Variants in RAP1GAP2 observed in about 807,000 individuals in gnomAD.
The protein encoded by RAP1GAP2 is RAP1 GTPase activating protein 2, also known as rap1 GTPase-activating protein 2.
RAP1GAP2 carries 27 observed loss-of-function variants against 95.0 expected under a neutral mutation model. That is an observed-to-expected ratio of 0.28 (90% confidence interval 0.21 to 0.39). The LOEUF (loss-of-function observed/expected upper bound fraction) is 0.39. RAP1GAP2 is among the 10% of genes least tolerant of loss of function. RAP1GAP2 has a pLI of 1.00. For missense variants in RAP1GAP2, 771 were observed against 970.0 expected, an observed-to-expected ratio of 0.79 and a Z score of 2.72; for synonymous variants, 373 against 380.9, an observed-to-expected ratio of 0.98 and a Z score of 0.24.
At chr17:2,879,406 G>A (rs903978589) in intron 2 of RAP1GAP2, among the ~76,000 whole-genome samples, 10 of 151,236 alleles carry the variant, frequency 6.6e-5, no homozygotes, top group Admixed American at 1.3e-4. Context: ...GTGAGCCACT[G>A]CGCCCGGCCA....
chr17:2,830,177 C>A (rs540593746), intron 2 of RAP1GAP2, among the ~76,000 whole-genome samples: 1 of 152,008 alleles, frequency 6.6e-6, no homozygotes, highest in Non-Finnish European at 1.5e-5. Context: ...TTTGGGAGGC[C>A]GAGGTGGGCG....
At chr17:2,937,389 G>C (rs886530815) in intron 3 of RAP1GAP2, among the ~76,000 whole-genome samples, 1 of 152,202 alleles carries the variant, frequency 6.6e-6, no homozygotes, top group African/African-American at 2.4e-5. Context: ...TTGCAGAAGT[G>C]TTCTGGATAT....
At chr17:2,869,160 T>G (rs757425135) in intron 2 of RAP1GAP2, among the ~76,000 whole-genome samples, 1 of 152,132 alleles carries the variant, frequency 6.6e-6, no homozygotes, top group Non-Finnish European at 1.5e-5. Flanking sequence ...TAGTTAGGAT[T>G]TCAACACAGA....
At chr17:2,793,916 C>A (rs2068996668), upstream of RAP1GAP2, among the ~76,000 whole-genome samples, 1 of 151,940 alleles carries the variant, frequency 6.6e-6, no homozygotes, top group Admixed American at 6.6e-5. Flanking sequence ...GCCTGGCCAA[C>A]ATGGTGAAAC....
chr17:2,999,277 AG>A (rs2046074157), intron 14 of RAP1GAP2, among the ~76,000 whole-genome samples: 2 of 152,188 alleles, frequency 1.3e-5, no homozygotes, highest in African/African-American at 4.8e-5. Context: ...TTGGTATCAC[AG>A]TGCTGTGGCG....
intron 3 of RAP1GAP2, among the ~76,000 whole-genome samples, chr17:2,929,004 C>G (rs780048145): frequency 7.9e-5 from 12 of 152,106 alleles, no homozygotes; most frequent in Non-Finnish European, 1.6e-4. Context: ...GAAGCCGAGG[C>G]AGGACAATTG....
In RAP1GAP2 at chr17:2,889,539, C is replaced by T. The variant is rs191521217; in HGVS notation, c.81-15745C>T. ...GAGCCCTCTTTCTGAACTTTCCAGCCGTGAAATACTGCAGGGGCCATGGCC... is the reference window on the plus strand; with the variant it reads ...GAGCCCTCTTTCTGAACTTTCCAGCTGTGAAATACTGCAGGGGCCATGGCC... On this transcript the variant is annotated intron_variant, in intron 2 of 24. Transcript: ENST00000254695. Among the ~76,000 whole-genome samples the T allele has an allele frequency of 5.1e-4, 77 of 152,198 alleles. 1 individual carries two copies. The highest frequency in any genetic ancestry group is 6.8e-3 in the Middle Eastern group (2 of 294).
chr17:2,852,300 A>G (rs951637320), intron 2 of RAP1GAP2, among the ~76,000 whole-genome samples: 3 of 146,024 alleles, frequency 2.1e-5, no homozygotes, highest in Non-Finnish European at 3.0e-5. Context: ...ATGGCTATCT[A>G]TATCTCTGAT....
At chr17:3,016,606 C>G (rs995939691) in intron 17 of RAP1GAP2, among the ~76,000 whole-genome samples, 1 of 152,234 alleles carries the variant, frequency 6.6e-6, no homozygotes, top group Admixed American at 6.5e-5. Flanking sequence ...CTACACATCT[C>G]GACTTTCCTG....
chr17:2,904,568 G>GTGTGTGTGTGTGTGTGTA lies in RAP1GAP2; in HGVS notation c.81-715_81-714insGTGTGTGTGTGTGTGTAT, dbSNP rs1193597954. ...TGTGTGTGTGTGTGTGTGTGTGTGT[G>GTGTGTGTGTGTGTGTGTA]TACGTGCAGAGGGGCTCAAGGGAGA... On this transcript the variant is annotated intron_variant, in intron 2 of 24. Transcript: ENST00000254695. This position sits in a 1 kb window ranked among gnomAD's most constrained non-coding sequence, Gnocchi z 4.7. Among the ~76,000 whole-genome samples the GTGTGTGTGTGTGTGTGTA allele has an allele frequency of 6.6e-6, 1 of 151,490 alleles. No homozygotes were observed. The highest frequency in any genetic ancestry group is 2.4e-5 in the African/African-American group (1 of 41,236).
rs2042072308 is a variant in RAP1GAP2 at position 2,902,911 on chromosome 17, G to A, written c.81-2373G>A. Among the ~76,000 whole-genome samples, 1 of 152,190 alleles carries A rather than the reference G, an allele frequency of 6.6e-6. No individual in the cohort carries two copies. Among genetic ancestry groups the A allele is most frequent in the African/African-American group, 2.4e-5 (1 of 41,448 alleles). ...AATCATATGTGCCCTGGTGCCATGA[G>A]CGTGGACACCTTGTGCCTGATGGGG... is the stretch of plus-strand genomic sequence containing the variant. On this transcript the variant is annotated intron_variant, in intron 2 of 24. Transcript: ENST00000254695. The surrounding 1 kb of genome is among the most constrained non-coding windows in gnomAD (Gnocchi z 4.1).
Position 2,963,924 on chromosome 17 carries a change from C to G in RAP1GAP2, c.348C>G (p.Asp116Glu). Reference protein sequence around the residue: ...LPQFGGYWIEDPENVGTPTSL... With the variant: ...LPQFGGYWIEEPENVGTPTSL... The stretch of plus-strand genomic sequence containing the variant: ...AGTTTGGGGGCTATTGGATCGAGGA[C>G]CCGGAGAACGTGGGCACCCCAACAT... Residue 116 changes from aspartate to glutamate, a missense_variant, in exon 7 of 25, where the codon GAC becomes GAG. Asp to Glu is a conservative substitution (Grantham distance 45, BLOSUM62 2). Transcript: ENST00000254695. This position sits in a 1 kb window ranked among gnomAD's most constrained non-coding sequence, Gnocchi z 4.8. 6.2e-7 allele frequency: 1 copy of G among 1,613,318 alleles called. No homozygotes were observed. The highest frequency in any genetic ancestry group is 8.5e-7 in the Non-Finnish European group (1 of 1,179,762).
chr17:2,785,401 GA>G (rs11419211), intron 1 of RAP1GAP2, among the ~76,000 whole-genome samples: 112 of 142,092 alleles, frequency 7.9e-4, no homozygotes, highest in Admixed American at 1.4e-3. Context: ...CAAAAAGTTG[GA>G]AAAAAAAAAA....
chr17:2,804,396 CTG>C (rs1309248793), intron 2 of RAP1GAP2, among the ~76,000 whole-genome samples: 1 of 152,242 alleles, frequency 6.6e-6, no homozygotes, highest in African/African-American at 2.4e-5. Context: ...AAAGTGGAGA[CTG>C]AGAGAGTTTA....
chr17:2,790,358 C>T (rs113222632), intron 1 of RAP1GAP2, among the ~76,000 whole-genome samples: 2,842 of 152,256 alleles, frequency 0.019, 148 homozygotes, highest in Admixed American at 0.11. Context: ...GTGATCCACC[C>T]GCCTTGGCAG....
At position 3,037,129 on chromosome 17, in the gene RAP1GAP2, T is replaced by G. The variant is rs1037191953; in HGVS notation, c.*3768T>G. On this transcript the variant is annotated 3_prime_UTR_variant, in exon 25 of 25. Coordinates refer to ENST00000254695, the MANE Select transcript of RAP1GAP2 (RefSeq NM_015085.5). ...ACTCTGTTTTACCGCCAGCCCCTTG[T>G]ACACCCCAATCCCATGTCTCCCTCC... The G allele has an allele frequency of 6.6e-6, 1 of 152,588 alleles. No individual in the cohort carries two copies. Among genetic ancestry groups the G allele is most frequent in the Non-Finnish European group, 1.5e-5 (1 of 68,068 alleles). 9.5% of individuals were successfully genotyped at this position (152,588 alleles called of 1,614,324 possible).
At chr17:2,799,758 C>T (rs2069201974) in intron 1 of RAP1GAP2, among the ~76,000 whole-genome samples, 1 of 152,156 alleles carries the variant, frequency 6.6e-6, no homozygotes, top group Non-Finnish European at 1.5e-5. Context: ...GAACACTGTC[C>T]ACCTTTCTGC....
At chr17:2,984,505 G>C (rs1049925199) in intron 10 of RAP1GAP2, among the ~76,000 whole-genome samples, 3 of 152,154 alleles carry the variant, frequency 2.0e-5, no homozygotes, top group Non-Finnish European at 2.9e-5. Flanking sequence ...TTCCTCCTTA[G>C]CGTGGTCTCC....
At chr17:2,873,455 A>G (rs959391182) in intron 2 of RAP1GAP2, among the ~76,000 whole-genome samples, 1 of 122,744 alleles carries the variant, frequency 8.1e-6, no homozygotes, top group African/African-American at 3.0e-5. Context: ...AGCCAGGGTA[A>G]TAGAATGAGA....
Sources: gnomAD v4.1 joint callset for allele counts (sites outside exome capture counted in the v4.1 genomes callset) on GRCh38, gnomAD v4.1.1 for gene constraint, Gnocchi (gnomAD v3.1) non-coding constraint, MANE v1.5 for transcripts, NCBI Gene and HGNC (gene_info 2026-07-23, HGNC 2026-07-21) for gene names.